PACS1: variants seen among roughly 807,000 people sequenced by gnomAD.
The protein encoded by PACS1 is phosphofurin acidic cluster sorting protein 1, also known as PACS-1.
Under a neutral mutation model 115.0 loss-of-function variants are expected in PACS1, and 24 were observed. The observed-to-expected ratio is 0.21, with a 90% CI of 0.15 to 0.29. The LOEUF (loss-of-function observed/expected upper bound fraction) is 0.29. PACS1 is among the 10% of genes least tolerant of loss of function. The pLI is 1.00. For synonymous variants in PACS1, 453 were observed against 504.5 expected (o/e 0.90, Z 1.37); for missense variants, 838 against 1,251.2 (o/e 0.67, Z 4.98).
chr11:66,075,494 A>G (rs925060808), intron 1 of PACS1, among the ~76,000 whole-genome samples: 1 of 152,140 alleles, frequency 6.6e-6, no homozygotes, highest in Non-Finnish European at 1.5e-5. Flanking sequence ...CTCCCGCCTC[A>G]GTCTCTCGAA....
chr11:66,230,260 T>C (rs1389444236), intron 11 of PACS1: 1 of 440,132 alleles, frequency 2.3e-6, no homozygotes, highest in Non-Finnish European at 4.1e-6. Context: ...TCTTCACTCC[T>C]GGAGACAGCA....
chr11:66,226,044 C>T (rs574287465), intron 10 of PACS1, among the ~76,000 whole-genome samples: 13 of 152,246 alleles, frequency 8.5e-5, no homozygotes, highest in Admixed American at 6.5e-4. Flanking sequence ...TGGTGGCAGA[C>T]GCTTGTAATC....
At chr11:66,227,958 T>G (rs1321573197) in intron 11 of PACS1, among the ~76,000 whole-genome samples, 1 of 152,156 alleles carries the variant, frequency 6.6e-6, no homozygotes. Context: ...AGTCTCTGAC[T>G]GGTACTGGTC....
intron 1 of PACS1, among the ~76,000 whole-genome samples, chr11:66,101,087 A>G (rs1017762351): frequency 1.3e-5 from 2 of 152,170 alleles, no homozygotes; most frequent in Non-Finnish European, 2.9e-5. Flanking sequence ...GAATTTATAG[A>G]TATGTTTTAA....
chr11:66,242,956 G>A lies in PACS1; in HGVS notation c.2701G>A (p.Asp901Asn). 1 of 1,614,002 alleles carries A rather than the reference G, an allele frequency of 6.2e-7. No homozygotes were observed. The change falls in exon 23 of 24, where the codon GAT becomes AAT. Residue 901 changes from aspartate (D) to asparagine (N), a missense_variant. By Grantham distance (23) the Asp-to-Asn change is conservative. This residue lies in a region of PACS1 where 84 missense variants were observed against 187.1 expected (regional missense o/e 0.45). Transcript: ENST00000320580. ...LSKKPREKEV[D>N]SKSQVIEGIS... ...CAAGAAACCCCGAGAAAAGGAGGTG[G>A]ATTCTAAGAGCCAGGTCATTGAAGG...
chr11:66,108,925 T>C (rs1858121391), intron 1 of PACS1, among the ~76,000 whole-genome samples: 1 of 152,170 alleles, frequency 6.6e-6, no homozygotes. Context: ...GCTATGTTTG[T>C]GCCACTGTAC....
intron 1 of PACS1, among the ~76,000 whole-genome samples, chr11:66,136,262 A>AACACACACACAC (rs71270571): frequency 7.0e-6 from 1 of 143,700 alleles, no homozygotes; most frequent in Non-Finnish European, 1.5e-5. Context: ...CAATCCCGCT[A>AACACACACACAC]ACACACACAC....
chr11:66,171,639 G>T (rs2134639867), intron 1 of PACS1, among the ~76,000 whole-genome samples: 1 of 149,802 alleles, frequency 6.7e-6, no homozygotes, highest in East Asian at 1.9e-4. Flanking sequence ...GAGTGCAGTG[G>T]CGCAATCTCG....
intron 20 of PACS1, 146 bp downstream of exon 20, chr11:66,238,992 T>A: frequency 7.3e-7 from 1 of 1,372,274 alleles, no homozygotes; most frequent in Non-Finnish European, 1.0e-6. Context: ...CTCACTCCCC[T>A]GCTGCGGTGG....
intron 22 of PACS1, among the ~76,000 whole-genome samples, chr11:66,241,931 G>C (rs1311533860): frequency 6.6e-6 from 1 of 152,196 alleles, no homozygotes; most frequent in African/African-American, 2.4e-5. Context: ...AATGAAGGGG[G>C]CCTTTCTGGC....
At chr11:66,168,752 A>ATGTGTGTG (rs34140940) in intron 1 of PACS1, among the ~76,000 whole-genome samples, 12 of 99,104 alleles carry the variant, frequency 1.2e-4, no homozygotes, top group Non-Finnish European at 2.1e-4. Flanking sequence ...ATATATATAT[A>ATGTGTGTG]TGTGTGTGTG....
chr11:66,243,154 G>A lies in PACS1; in HGVS notation c.2777-11G>A, dbSNP rs778255616. ...GCAGTCTGGTCACCCCTCCTCTCCT[G>A]TCACCCCTAGTGTCCATCGATGGGG... On this transcript the variant is annotated splice_polypyrimidine_tract_variant and intron_variant, in intron 23 of 23. Transcript: ENST00000320580. The A allele has an allele frequency of 6.2e-6, 10 of 1,612,870 alleles. No individual in the cohort carries two copies. Among genetic ancestry groups the A allele is most frequent in the Non-Finnish European group, 8.5e-6 (10 of 1,179,280 alleles).
Position 66,172,462 on chromosome 11 carries a change from G to A in PACS1, c.357-21024G>A, listed in dbSNP as rs2134641552. ...GGCTGCCATGTCATGAGGTTATCAA[G>A]CAGTCCTGGGAAGATTCCATGTGGA... On this transcript the variant is annotated intron_variant, in intron 1 of 23. Coordinates refer to ENST00000320580, the MANE Select transcript of PACS1 (RefSeq NM_018026.4). 2.0e-5 allele frequency among the ~76,000 whole-genome samples: 3 copies of A among 152,312 alleles called. No homozygotes were observed. The Middle Eastern group carries it at 0.01, about 518-fold the overall frequency.
chr11:66,156,771 G>A (rs904219639), intron 1 of PACS1, among the ~76,000 whole-genome samples: 7 of 151,648 alleles, frequency 4.6e-5, no homozygotes, highest in African/African-American at 1.5e-4. Context: ...GGAGAATGGC[G>A]TGAACCTGGG....
At chr11:66,108,525 C>T (rs1453200251) in intron 1 of PACS1, among the ~76,000 whole-genome samples, 2 of 152,082 alleles carry the variant, frequency 1.3e-5, no homozygotes, top group Non-Finnish European at 2.9e-5. Context: ...GAGTTTGAAA[C>T]CAGCCTGGGC....
chr11:66,097,536 C>T (rs975170128), intron 1 of PACS1, among the ~76,000 whole-genome samples: 2 of 152,226 alleles, frequency 1.3e-5, no homozygotes, highest in Admixed American at 6.5e-5. Flanking sequence ...AGACCATAGT[C>T]TCAGCCAGTA....
At chr11:66,139,817 G>T (rs901716216) in intron 1 of PACS1, among the ~76,000 whole-genome samples, 1 of 152,182 alleles carries the variant, frequency 6.6e-6, no homozygotes, top group African/African-American at 2.4e-5. Flanking sequence ...ACATGGGAAT[G>T]CAGAGACCTC....
rs368316714 is a variant in PACS1 at position 66,092,360 on chromosome 11, G to T, written c.356+21518G>T. On this transcript the variant is annotated intron_variant, in intron 1 of 23. Coordinates refer to ENST00000320580, the MANE Select transcript of PACS1 (RefSeq NM_018026.4). ...TGTTCATGTCCTTCGCCCACTTTTT[G>T]ATGGGGTTGTTGGTTTTTTTCTTGT... Among the ~76,000 whole-genome samples the T allele has an allele frequency of 5.0e-4, 76 of 152,086 alleles. 2 individuals are homozygous for T. The highest frequency in any genetic ancestry group is 1.8e-3 in the African/African-American group (73 of 41,362).
chr11:66,195,766 G>A (rs927844520), intron 2 of PACS1, among the ~76,000 whole-genome samples: 3 of 152,068 alleles, frequency 2.0e-5, no homozygotes, highest in Admixed American at 2.0e-4. Context: ...GCCAAACATT[G>A]TTCTAGGCAC....
Sources: gnomAD v4.1 joint callset for allele counts (sites outside exome capture counted in the v4.1 genomes callset) on GRCh38, gnomAD v4.1.1 for gene constraint, gnomAD v4.1.1 regional missense constraint, MANE v1.5 for transcripts, NCBI Gene and HGNC (gene_info 2026-07-23, HGNC 2026-07-21) for gene names.